Variants in RGL1 observed in about 807,000 individuals in gnomAD.
The protein encoded by RGL1 is ral guanine nucleotide dissociation stimulator-like 1.
In RGL1, 24 loss-of-function variants were observed where a neutral mutation model predicts 95.2. That is an observed-to-expected ratio of 0.25 (90% confidence interval 0.18 to 0.35). The LOEUF is 0.35. Ranked by LOEUF, RGL1 falls within the 10% of genes least tolerant of loss-of-function variation. The probability of loss-of-function intolerance (pLI) is 1.00; values close to 1 mark genes in which losing one functional copy is unlikely to be tolerated. For missense variants in RGL1, 715 were observed against 936.3 expected, an observed-to-expected ratio of 0.76 and a Z score of 3.08; for synonymous variants, 329 against 344.9, an observed-to-expected ratio of 0.95 and a Z score of 0.51.
chr1:183,654,674 T>TG (rs1160186501), intron 1 of RGL1, among the ~76,000 whole-genome samples: 1 of 152,186 alleles, frequency 6.6e-6, no homozygotes, highest in Non-Finnish European at 1.5e-5. Flanking sequence ...CCATGTGCAC[T>TG]GTGCACCTTC....
intron 8 of RGL1, among the ~76,000 whole-genome samples, chr1:183,890,825 C>T (rs1347069001): frequency 6.6e-6 from 1 of 151,988 alleles, no homozygotes; most frequent in East Asian, 1.9e-4. Context: ...ACGGTAGGGT[C>T]CCAGGGTGAT....
rs1669671895 is a variant in RGL1 at position 183,927,341 on chromosome 1, C to T, written c.*1049C>T. 6.6e-6 allele frequency: 1 copy of T among 152,504 alleles called. No homozygotes were observed. The highest frequency in any genetic ancestry group is 6.5e-5 in the Admixed American group (1 of 15,282). 9.4% of individuals were successfully genotyped at this position (152,504 alleles called of 1,614,324 possible). On this transcript the variant is annotated 3_prime_UTR_variant, in exon 18 of 18. Transcript: ENST00000360851. ...TGGAAATTTCTACTGCAATTGACTACGTTTGATTATTTTGAGCTTGTGAAA... is the reference window on the plus strand; with the variant it reads ...TGGAAATTTCTACTGCAATTGACTATGTTTGATTATTTTGAGCTTGTGAAA...
At chr1:183,834,002 A>G (rs1476858914) in intron 2 of RGL1, among the ~76,000 whole-genome samples, 3 of 141,590 alleles carry the variant, frequency 2.1e-5, no homozygotes, top group African/African-American at 8.1e-5. Context: ...TAAAACTCTG[A>G]GGCTCAGGTA....
intron 2 of RGL1, among the ~76,000 whole-genome samples, chr1:183,777,381 G>T (rs569379512): frequency 3.9e-5 from 6 of 152,164 alleles, no homozygotes; most frequent in Non-Finnish European, 8.8e-5. Context: ...CCAATGGCAT[G>T]TGTCCATTAT....
At chr1:183,919,646 T>C (rs1162217156) in intron 16 of RGL1, among the ~76,000 whole-genome samples, 5 of 152,092 alleles carry the variant, frequency 3.3e-5, no homozygotes, top group African/African-American at 1.2e-4. Context: ...CCTTGTAAAA[T>C]TACCTCCTCA....
intron 1 of RGL1, among the ~76,000 whole-genome samples, chr1:183,691,371 A>G (rs1291841881): frequency 6.6e-6 from 1 of 152,232 alleles, no homozygotes; most frequent in Non-Finnish European, 1.5e-5. Context: ...GTGTTACGCT[A>G]TCACATGCCC....
chr1:183,793,524 G>C (rs1053050950), intron 2 of RGL1, among the ~76,000 whole-genome samples: 2 of 152,218 alleles, frequency 1.3e-5, no homozygotes, highest in Admixed American at 1.3e-4. Flanking sequence ...CTATTCAACT[G>C]ACAAGGGACT....
intron 2 of RGL1, among the ~76,000 whole-genome samples, chr1:183,821,835 G>A (rs536118771): frequency 1.3e-5 from 2 of 152,284 alleles, no homozygotes; most frequent in African/African-American, 4.8e-5. Flanking sequence ...CATGAGTGGT[G>A]ATACTTTCTA....
chr1:183,867,174 A>T (rs906756994), intron 4 of RGL1, among the ~76,000 whole-genome samples: 1 of 152,194 alleles, frequency 6.6e-6, no homozygotes, highest in Non-Finnish European at 1.5e-5. Context: ...TCTTTAGTTT[A>T]TACATGGTAT....
At chr1:183,889,621 G>A (rs1390757800) in intron 8 of RGL1, among the ~76,000 whole-genome samples, 1 of 152,188 alleles carries the variant, frequency 6.6e-6, no homozygotes, top group Non-Finnish European at 1.5e-5. Context: ...TGAAAAATGA[G>A]TGCCAGAATC....
chr1:183,861,962 C>G (rs927102331), intron 3 of RGL1, among the ~76,000 whole-genome samples: 1 of 152,274 alleles, frequency 6.6e-6, no homozygotes, highest in African/African-American at 2.4e-5. Context: ...GTCAAAGGAC[C>G]TAGCCTGAAC....
intron 1 of RGL1, among the ~76,000 whole-genome samples, chr1:183,639,690 A>G (rs1649785920): frequency 7.5e-6 from 1 of 133,704 alleles, no homozygotes; most frequent in Non-Finnish European, 1.6e-5. Flanking sequence ...TCAACTAAAA[A>G]CCTGTAAGCC....
intron 1 of RGL1, among the ~76,000 whole-genome samples, chr1:183,656,314 G>A (rs1651161622): frequency 6.6e-6 from 1 of 152,162 alleles, no homozygotes; most frequent in Non-Finnish European, 1.5e-5. Flanking sequence ...TTTGGTCAGT[G>A]TCAAAATTGA....
intron 1 of RGL1, among the ~76,000 whole-genome samples, chr1:183,720,321 G>A (rs1460278287): frequency 1.3e-5 from 2 of 152,178 alleles, no homozygotes; most frequent in Non-Finnish European, 2.9e-5. Context: ...ACCACAGAAC[G>A]GCCAATCCTT....
intron 1 of RGL1, among the ~76,000 whole-genome samples, chr1:183,666,169 C>G (rs1652025162): frequency 6.6e-6 from 1 of 151,882 alleles, no homozygotes; most frequent in East Asian, 1.9e-4. Flanking sequence ...CCACACTCGG[C>G]TAATTTTGTA....
chr1:183,679,430 CCT>C (rs1259471664), intron 1 of RGL1, among the ~76,000 whole-genome samples: 1 of 149,952 alleles, frequency 6.7e-6, no homozygotes, highest in African/African-American at 2.5e-5. Flanking sequence ...TGTTCCCCTC[CCT>C]GTGTCCATGT....
intron 1 of RGL1, among the ~76,000 whole-genome samples, chr1:183,669,271 T>C (rs1652274634): frequency 6.6e-6 from 1 of 152,230 alleles, no homozygotes; most frequent in East Asian, 1.9e-4. Flanking sequence ...CTTCATCATG[T>C]CCAGTCTACT....
intron 2 of RGL1, among the ~76,000 whole-genome samples, chr1:183,798,401 A>G (rs1236277167): frequency 6.6e-6 from 1 of 152,174 alleles, no homozygotes; most frequent in Non-Finnish European, 1.5e-5. Context: ...TATCTAATGT[A>G]TACAACTTGA....
chr1:183,917,625 A>G (rs955224232), intron 16 of RGL1, among the ~76,000 whole-genome samples: 1 of 152,220 alleles, frequency 6.6e-6, no homozygotes, highest in Non-Finnish European at 1.5e-5. Context: ...AATATCAAAC[A>G]TTTATTGCGT....
Sources: allele counts gnomAD v4.1 joint callset (sites outside exome capture counted in the v4.1 genomes callset), GRCh38; gene constraint gnomAD v4.1.1; transcripts MANE v1.5; gene names NCBI Gene and HGNC (gene_info 2026-07-23, HGNC 2026-07-21).